ZNF221: variants seen among roughly 807,000 people sequenced by gnomAD.
ZNF221 encodes the protein zinc finger protein 221.
A neutral mutation model predicts 12.6 loss-of-function variants in ZNF221; 10 were observed. That is an observed-to-expected ratio of 0.79 (90% CI 0.49 to 1.34). The LOEUF is 1.34. ZNF221 is among the 40% of genes most tolerant of loss of function. The pLI, the probability that ZNF221 is intolerant of heterozygous loss-of-function variation, is 0.00. For missense variants in ZNF221, 661 were observed against 721.4 expected, an observed-to-expected ratio of 0.92 and a Z score of 0.96; for synonymous variants, 232 against 244.0, an observed-to-expected ratio of 0.95 and a Z score of 0.46.
chr19:43,971,047 A>G (rs994956987), downstream of ZNF221, among the ~76,000 whole-genome samples: 1 of 152,232 alleles, frequency 6.6e-6, no homozygotes, highest in African/African-American at 2.4e-5. Context: ...AGGGAAGCCC[A>G]TCAGACTAAT....
intron 1 of ZNF221, among the ~76,000 whole-genome samples, chr19:43,954,322 A>G (rs1974720741): frequency 6.6e-6 from 1 of 152,170 alleles, no homozygotes; most frequent in African/African-American, 2.4e-5. Flanking sequence ...GTATTAATAT[A>G]CTACTGGAGT....
At chr19:43,970,481 C>T (rs1346492607), downstream of ZNF221, among the ~76,000 whole-genome samples, 1 of 152,128 alleles carries the variant, frequency 6.6e-6, no homozygotes, top group Non-Finnish European at 1.5e-5. Flanking sequence ...GCTAAAGGAG[C>T]ATGGCATAAC....
At position 43,962,893 on chromosome 19, in the gene ZNF221, G is replaced by A. The variant is rs1599817008; in HGVS notation, c.81+86G>A. On this transcript the variant is annotated intron_variant, in intron 2 of 4. Coordinates refer to ENST00000587682, the MANE Select transcript of ZNF221 (RefSeq NM_001297588.2). Reference sequence around the variant, plus strand: ...TTTTATCTGTCTTGGGAAGACTCAAGGAGAACAACAAGCATTTGAGGGCAT... The same window carrying A: ...TTTTATCTGTCTTGGGAAGACTCAAAGAGAACAACAAGCATTTGAGGGCAT... 5 of 1,300,128 alleles carry A rather than the reference G, an allele frequency of 3.8e-6. No homozygotes were observed. In the East Asian group the frequency reaches 1.3e-4, roughly 33 times the overall value. The allele number at this position is 1,300,128 out of a possible 1,614,324, so 80.5% of individuals were successfully genotyped here. A position where few individuals can be genotyped will look rare whatever the true frequency, so the allele number is the denominator to read the frequency against.
At chr19:43,958,483 C>T (rs568797497) in intron 1 of ZNF221, among the ~76,000 whole-genome samples, 1 of 152,162 alleles carries the variant, frequency 6.6e-6, no homozygotes, top group East Asian at 1.9e-4. Context: ...CAGACATTAC[C>T]ATGTCTTTTA....
intron 1 of ZNF221, among the ~76,000 whole-genome samples, chr19:43,961,057 G>A (rs375394005): frequency 6.6e-6 from 1 of 152,176 alleles, no homozygotes; most frequent in Non-Finnish European, 1.5e-5. Flanking sequence ...CAAGGCCTTG[G>A]GAGTCTATCT....
chr19:43,954,453 T>C (rs1974722741), intron 1 of ZNF221, among the ~76,000 whole-genome samples: 1 of 152,180 alleles, frequency 6.6e-6, no homozygotes, highest in Non-Finnish European at 1.5e-5. Flanking sequence ...ACTGTGCCGG[T>C]CTAGACTGCA....
rs545719085 is a variant in ZNF221, at chr19:43,967,565, G to A, written c.*209G>A. On this transcript the variant is annotated 3_prime_UTR_variant, in exon 5 of 5. Transcript: ENST00000587682. Reference sequence around the variant, plus strand: ...GCTATCTCAGCTCACTGCAAGCTCCGCCTCCCAGGTTCACGCCATTCTCCT... The same window carrying A: ...GCTATCTCAGCTCACTGCAAGCTCCACCTCCCAGGTTCACGCCATTCTCCT... 2.4e-5 allele frequency: 12 copies of A among 489,964 alleles called. No homozygotes were observed. Among genetic ancestry groups the A allele is most frequent in the Admixed American group, 7.0e-5 (2 of 28,596 alleles). 30.4% of individuals were successfully genotyped at this position (489,964 alleles called of 1,614,324 possible). A position where few individuals can be genotyped will look rare whatever the true frequency, so the allele number is the denominator to read the frequency against.
chr19:43,978,394 A>G, the ZNF221 span: 1 of 152,186 alleles, frequency 6.6e-6, no homozygotes, highest in African/African-American at 2.4e-5. Context: ...TAGGGCCTGC[A>G]GTCTTGTGGG....
rs781600241 is a variant in ZNF221 at position 43,967,303 on chromosome 19, G to A, written c.1801G>A (p.Glu601Lys). Residue 601 changes from glutamate (E) to lysine (K), a missense_variant, in exon 5 of 5, where the codon GAA becomes AAA. Coordinates refer to ENST00000587682, the MANE Select transcript of ZNF221 (RefSeq NM_001297588.2). ...KSGVWEEIYSEFTASFTSVSL... is the reference protein window; with the variant it reads ...KSGVWEEIYSKFTASFTSVSL... ...TGGAGTGTGGGAAGAGATCTACTCA[G>A]AATTCACAGCTTCATTTACATCAGT... 6.2e-7 allele frequency: 1 copy of A among 1,613,590 alleles called. No homozygotes were observed.
chr19:43,966,128 A>G lies in ZNF221; in HGVS notation c.626A>G (p.Tyr209Cys). Residue 209 changes from tyrosine (Y) to cysteine (C), a missense_variant, in exon 5 of 5, where the codon TAC becomes TGC. Transcript: ENST00000587682. ...GGTGAGTGTGGAAAAAGCTTCTGTT[A>G]CAGCCCAGCCCTTCATATTCATCAG... ...TCGECGKSFC[Y>C]SPALHIHQRV... 6.2e-7 allele frequency: 1 copy of G among 1,614,248 alleles called. No individual in the cohort carries two copies. The highest frequency in any genetic ancestry group is 8.5e-7 in the Non-Finnish European group (1 of 1,180,038).
rs78965254 is a variant in ZNF221, at chr19:43,961,140, G to A, written c.-2-1585G>A. Among the ~76,000 whole-genome samples the A allele has an allele frequency of 7.2e-3, 1,093 of 152,280 alleles. 13 individuals are homozygous for A. Among genetic ancestry groups the A allele is most frequent in the Non-Finnish European group, 0.013 (867 of 68,016 alleles). The stretch of plus-strand genomic sequence containing the variant: ...TAAGAGCCCTGGCTGGAGTACAGTA[G>A]CACAATCCTAACTTGCTGCAGCCTT... On this transcript the variant is annotated intron_variant, in intron 1 of 4. Coordinates refer to ENST00000587682, the MANE Select transcript of ZNF221 (RefSeq NM_001297588.2).
chr19:43,972,431 A>G (rs1485554764), downstream of ZNF221, among the ~76,000 whole-genome samples: 2 of 152,158 alleles, frequency 1.3e-5, no homozygotes, highest in African/African-American at 4.8e-5. Flanking sequence ...ACTCAAGGAG[A>G]CAGAGACACA....
rs114170408 is a variant in ZNF221 at position 43,957,145 on chromosome 19, C to T, written c.-2-5580C>T. Among the ~76,000 whole-genome samples, 992 of 152,066 alleles carry T rather than the reference C, an allele frequency of 6.5e-3. 6 individuals carry two copies. The highest frequency in any genetic ancestry group is 0.023 in the African/African-American group (963 of 41,478). ...TTATACTTCCAGTTAGGTTACAGTT[C>T]GTTATATATGGATAAACCTTTTCTT... On this transcript the variant is annotated intron_variant, in intron 1 of 4. Transcript: ENST00000587682.
chr19:43,973,621 AGCC>A, the ZNF221 span, among the ~76,000 whole-genome samples: 5 of 152,230 alleles, frequency 3.3e-5, no homozygotes, highest in Non-Finnish European at 5.9e-5. Flanking sequence ...GCAAGCAGAG[AGCC>A]GAATCATGAA....
chr19:43,966,876 C>A lies in ZNF221; in HGVS notation c.1374C>A (p.Asp458Glu), dbSNP rs769245161. The A allele has an allele frequency of 6.2e-7, 1 of 1,614,094 alleles. No individual in the cohort carries two copies. Among genetic ancestry groups the A allele is most frequent in the South Asian group, 1.1e-5 (1 of 91,086 alleles). The change falls in exon 5 of 5, where the codon GAC becomes GAA. Residue 458 changes from aspartate to glutamate, a missense_variant. Transcript: ENST00000587682. ...ATAACTGTGAGGAGTGTGGTAAGGACTATAAAAGGAGGTTGGATCTTGAGT... is the reference window on the plus strand; with the variant it reads ...ATAACTGTGAGGAGTGTGGTAAGGAATATAAAAGGAGGTTGGATCTTGAGT... ...KPYNCEECGK[D>E]YKRRLDLEFH... is the part of the protein sequence containing the mutation.
downstream of ZNF221, among the ~76,000 whole-genome samples, chr19:43,970,733 G>T (rs974620398): frequency 7.2e-5 from 11 of 152,108 alleles, no homozygotes; most frequent in South Asian, 1.9e-3. Flanking sequence ...GAAGAGTAAT[G>T]AACAAAACCT....
the ZNF221 span, among the ~76,000 whole-genome samples, chr19:43,981,315 G>A: frequency 6.6e-6 from 1 of 152,266 alleles, no homozygotes; most frequent in South Asian, 2.1e-4. Flanking sequence ...CAAGGCAAGA[G>A]TATATTTATA....
rs575713687 is a variant in ZNF221, at chr19:43,961,178, T to A, written c.-2-1547T>A. On this transcript the variant is annotated intron_variant, in intron 1 of 4. Coordinates refer to ENST00000587682, the MANE Select transcript of ZNF221 (RefSeq NM_001297588.2). ...TTGCTGCAGCCTTTAACTCCTAGACTCAAGCTATCCTCCTGCCTCAGCCTC... is the reference window on the plus strand; with the variant it reads ...TTGCTGCAGCCTTTAACTCCTAGACACAAGCTATCCTCCTGCCTCAGCCTC... Among the ~76,000 whole-genome samples the A allele has an allele frequency of 2.6e-5, 4 of 152,360 alleles. No homozygotes were observed. In the East Asian group the frequency reaches 7.7e-4, roughly 29 times the overall value.
chr19:43,956,954 T>G (rs540315588), intron 1 of ZNF221, among the ~76,000 whole-genome samples: 2 of 152,340 alleles, frequency 1.3e-5, no homozygotes, highest in African/African-American at 4.8e-5. Context: ...GAAGAAGATT[T>G]GTAAACAGAA....
Sources: allele counts gnomAD v4.1 joint callset (sites outside exome capture counted in the v4.1 genomes callset), GRCh38; gene constraint gnomAD v4.1.1; transcripts MANE v1.5; gene names NCBI Gene and HGNC (gene_info 2026-07-23, HGNC 2026-07-21).